The following PALM2AKAP2 variants were observed in gnomAD, a reference collection of about 807,000 sequenced individuals.
The protein encoded by PALM2AKAP2 is PALM2-AKAP2 fusion protein.
A neutral mutation model predicts 71.5 loss-of-function variants in PALM2AKAP2; 37 were observed. That is an observed-to-expected ratio of 0.52 (90% CI 0.40 to 0.68). PALM2AKAP2 has a LOEUF of 0.68. Ranked by LOEUF, PALM2AKAP2 falls within the 30% of genes least tolerant of loss-of-function variation. The pLI, the probability that PALM2AKAP2 is intolerant of heterozygous loss-of-function variation, is 0.00. For synonymous variants in PALM2AKAP2, 468 were observed against 478.8 expected (o/e 0.98, Z 0.29); for missense variants, 1,224 against 1,191.8 (o/e 1.03, Z -0.40).
At chr9:109,759,331 A>G (rs1829014755) in intron 1 of PALM2AKAP2, among the ~76,000 whole-genome samples, 1 of 152,128 alleles carries the variant, frequency 6.6e-6, no homozygotes, top group South Asian at 2.1e-4. Flanking sequence ...ATAGAATGGT[A>G]GAATGTTTTG....
At chr9:109,697,982 T>C (rs1320322033) in intron 1 of PALM2AKAP2, among the ~76,000 whole-genome samples, 1 of 152,202 alleles carries the variant, frequency 6.6e-6, no homozygotes, top group Non-Finnish European at 1.5e-5. Context: ...GCTTTTGGCA[T>C]CTGGTTACAA....
At chr9:109,701,180 A>G (rs1040487101) in intron 1 of PALM2AKAP2, among the ~76,000 whole-genome samples, 11 of 152,252 alleles carry the variant, frequency 7.2e-5, no homozygotes, top group Admixed American at 6.5e-5. Context: ...AAGGTAATTT[A>G]TAGATTCAAT....
chr9:110,137,776 C>G, exon 2 of PALM2AKAP2: 4 of 1,614,162 alleles, frequency 2.5e-6, no homozygotes, highest in Non-Finnish European at 3.4e-6. Context: ...CCAATGCCCT[C>G]CAGGAAAATT....
chr9:109,708,952 G>C (rs1386520080), intron 1 of PALM2AKAP2, among the ~76,000 whole-genome samples: 2 of 152,168 alleles, frequency 1.3e-5, no homozygotes, highest in Non-Finnish European at 2.9e-5. Flanking sequence ...CAGAGGACTG[G>C]GCCACAACTG....
At chr9:109,680,314 G>T (rs1200250899) in intron 1 of PALM2AKAP2, among the ~76,000 whole-genome samples, 1 of 152,216 alleles carries the variant, frequency 6.6e-6, no homozygotes, top group Non-Finnish European at 1.5e-5. Flanking sequence ...TCTCATGGGT[G>T]GTCAGAGCAG....
intron 3 of PALM2AKAP2, among the ~76,000 whole-genome samples, chr9:110,163,915 G>C (rs6477744): frequency 0.58 from 87,772 of 152,064 alleles, 26,619 homozygotes; most frequent in East Asian, 0.86. Context: ...GCACTGGCTA[G>C]TAGCCTGATA....
chr9:109,970,780 T>G (rs369393495), intron 6 of PALM2AKAP2, among the ~76,000 whole-genome samples: 258 of 152,318 alleles, frequency 1.7e-3, no homozygotes, highest in African/African-American at 6.0e-3. Flanking sequence ...CACATAGAGT[T>G]GCTCTTGGAA....
chr9:110,006,304 C>G (rs531970558), intron 6 of PALM2AKAP2, among the ~76,000 whole-genome samples: 2 of 144,090 alleles, frequency 1.4e-5, no homozygotes, highest in South Asian at 2.2e-4. Context: ...TTTCCTTTCC[C>G]TCCCTTTCCT....
chr9:109,732,336 G>A (rs186141506), intron 1 of PALM2AKAP2, among the ~76,000 whole-genome samples: 19 of 152,292 alleles, frequency 1.2e-4, no homozygotes, highest in Admixed American at 9.2e-4. Flanking sequence ...GCTCAGCTGT[G>A]TCTTCACTGT....
intron 1 of PALM2AKAP2, among the ~76,000 whole-genome samples, chr9:109,803,530 T>C (rs1055719254): frequency 1.3e-5 from 2 of 152,224 alleles, no homozygotes; most frequent in African/African-American, 4.8e-5. Flanking sequence ...TGCATTTATA[T>C]TCCCCCCTGA....
At chr9:109,879,432 C>T (rs1168392341) in intron 2 of PALM2AKAP2, among the ~76,000 whole-genome samples, 1 of 152,218 alleles carries the variant, frequency 6.6e-6, no homozygotes, top group African/African-American at 2.4e-5. Context: ...GGCATGGTCA[C>T]TGGTCCTTAG....
At chr9:109,727,802 T>A (rs1828497302) in intron 1 of PALM2AKAP2, among the ~76,000 whole-genome samples, 1 of 152,270 alleles carries the variant, frequency 6.6e-6, no homozygotes, top group Admixed American at 6.5e-5. Context: ...CTTTTTGAGA[T>A]GCCCAGCTTC....
intron 1 of PALM2AKAP2, among the ~76,000 whole-genome samples, chr9:109,801,302 G>A (rs947427576): frequency 1.3e-5 from 2 of 152,186 alleles, no homozygotes; most frequent in African/African-American, 4.8e-5. Context: ...ACCCAGCCTT[G>A]CAGGAGGATG....
chr9:109,705,778 C>A (rs1202152897), intron 1 of PALM2AKAP2, among the ~76,000 whole-genome samples: 1 of 152,176 alleles, frequency 6.6e-6, no homozygotes, highest in African/African-American at 2.4e-5. Flanking sequence ...TAACTGTATG[C>A]TTTTAGTTGA....
intron 1 of PALM2AKAP2, among the ~76,000 whole-genome samples, chr9:109,649,985 G>T (rs755338929): frequency 6.6e-6 from 1 of 152,184 alleles, no homozygotes; most frequent in African/African-American, 2.4e-5. Context: ...GAAGAGAGTG[G>T]CAGGGCAAAT....
intron 1 of PALM2AKAP2, among the ~76,000 whole-genome samples, chr9:109,823,955 C>T (rs1378880161): frequency 6.6e-6 from 1 of 152,134 alleles, no homozygotes; most frequent in African/African-American, 2.4e-5. Context: ...GTGTTGTGAT[C>T]ATGGCTCACT....
intron 2 of PALM2AKAP2, among the ~76,000 whole-genome samples, chr9:109,879,224 T>C (rs937028844): frequency 1.3e-5 from 2 of 152,146 alleles, no homozygotes; most frequent in Non-Finnish European, 2.9e-5. Flanking sequence ...CCCTGCCTGA[T>C]GAGATCAAAC....
intron 7 of PALM2AKAP2, among the ~76,000 whole-genome samples, chr9:110,035,580 A>G (rs1456345214): frequency 7.3e-6 from 1 of 137,576 alleles, no homozygotes; most frequent in Non-Finnish European, 1.5e-5. Context: ...ATGTTGTGTT[A>G]TATATAACAT....
Position 110,065,464 on chromosome 9 carries a change from C to T in PALM2AKAP2, c.156+16609C>T, listed in dbSNP as rs557930432. The stretch of plus-strand genomic sequence containing the variant: ...CTGGTCTCAAACTCCTGAGCTCCAG[C>T]GATCCTCCCACCTTGGTGTCCCAGA... On this transcript the variant is annotated intron_variant, in intron 1 of 3. Coordinates refer to ENST00000374525, the Ensembl canonical transcript of PALM2AKAP2. Among the ~76,000 whole-genome samples the T allele has an allele frequency of 5.9e-5, 9 of 152,276 alleles. No homozygotes were observed. The South Asian group carries it at 1.0e-3, about 18-fold the overall frequency.
Sources: gnomAD v4.1 joint callset for allele counts (sites outside exome capture counted in the v4.1 genomes callset) on GRCh38, gnomAD v4.1.1 for gene constraint, MANE v1.5 for transcripts, NCBI Gene and HGNC (gene_info 2026-07-23, HGNC 2026-07-21) for gene names.